CAMK2G: variants seen among roughly 807,000 people sequenced by gnomAD.
CAMK2G encodes the protein calcium/calmodulin-dependent protein kinase type II subunit gamma.
CAMK2G carries 23 observed loss-of-function variants against 88.7 expected under a neutral mutation model. That is an observed-to-expected ratio of 0.26 (90% CI 0.19 to 0.37). The LOEUF (loss-of-function observed/expected upper bound fraction) is 0.37. Ranked by LOEUF, CAMK2G falls within the 10% of genes least tolerant of loss-of-function variation. The pLI is 1.00. For synonymous variants in CAMK2G, 263 were observed against 294.8 expected (o/e 0.89, Z 1.11); for missense variants, 476 against 780.8 (o/e 0.61, Z 4.65).
intron 14 of CAMK2G, among the ~76,000 whole-genome samples, chr10:73,833,656 T>C (rs1199783726): frequency 6.7e-6 from 1 of 150,146 alleles, no homozygotes; most frequent in African/African-American, 2.5e-5. Flanking sequence ...AGTGCAGTGG[T>C]GTAATCCCAG....
chr10:73,849,008 C>A lies in CAMK2G; in HGVS notation c.517+5G>T. On this transcript the variant is annotated splice_donor_5th_base_variant and intron_variant, in intron 7 of 22. Transcript: ENST00000423381. ...TGCATTCCGGGAAGACAGGATCACC[C>A]TTACCAAACCAAGCCTGCTGCTCTC... 6.3e-7 allele frequency: 1 copy of A among 1,586,560 alleles called. No homozygotes were observed. The highest frequency in any genetic ancestry group is 8.7e-7 in the Non-Finnish European group (1 of 1,154,850).
intron 4 of CAMK2G, among the ~76,000 whole-genome samples, chr10:73,852,980 C>G (rs977604472): frequency 2.0e-5 from 3 of 152,208 alleles, no homozygotes; most frequent in African/African-American, 7.2e-5. Context: ...GAGAGGAATG[C>G]TGTCCTGGGG....
At chr10:73,861,387 G>A (rs1049421550) in intron 2 of CAMK2G, among the ~76,000 whole-genome samples, 8 of 152,084 alleles carry the variant, frequency 5.3e-5, no homozygotes, top group African/African-American at 1.4e-4. Context: ...ACGGAGTCTC[G>A]TTCTGTTGCC....
At chr10:73,853,091 C>T in intron 4 of CAMK2G, 101 bp downstream of exon 4, 2 of 1,094,908 alleles carry the variant, frequency 1.8e-6, no homozygotes, top group Non-Finnish European at 2.8e-6. Flanking sequence ...AGGAGGGGGC[C>T]CTGGGCGGAG....
chr10:73,864,530 G>C (rs1029342444), intron 2 of CAMK2G, among the ~76,000 whole-genome samples: 1 of 152,200 alleles, frequency 6.6e-6, no homozygotes, highest in African/African-American at 2.4e-5. Flanking sequence ...TTTGAGTAGG[G>C]CAGTCCAAGA....
chr10:73,839,671 C>A lies in CAMK2G; in HGVS notation c.947-70G>T. 1.0e-6 allele frequency: 1 copy of A among 993,486 alleles called. No individual in the cohort carries two copies. Among genetic ancestry groups the A allele is most frequent in the Non-Finnish European group, 1.3e-6 (1 of 769,456 alleles). The allele number at this position is 993,486 out of a possible 1,614,324, so 61.5% of individuals were successfully genotyped here. ...CGGGGCCGTCAGCAGCGAGCATGCC[C>A]CAGCGCGAGGCGCAGCCCAGGCGGC... On this transcript the variant is annotated intron_variant, in intron 12 of 22. Transcript: ENST00000423381. This position sits in a 1 kb window ranked among gnomAD's most constrained non-coding sequence, Gnocchi z 4.2.
intron 14 of CAMK2G, among the ~76,000 whole-genome samples, chr10:73,828,772 C>T (rs2091778646): frequency 6.6e-6 from 1 of 152,098 alleles, no homozygotes; most frequent in Admixed American, 6.5e-5. Context: ...ACAGGAGTGC[C>T]AGTGATTAAA....
intron 1 of CAMK2G, among the ~76,000 whole-genome samples, chr10:73,873,991 C>T (rs2095971954): frequency 6.6e-6 from 1 of 150,744 alleles, no homozygotes; most frequent in South Asian, 2.1e-4. Flanking sequence ...GGCTCCGCAG[C>T]AGAGCTAGGG....
chr10:73,853,589 AG>A (rs2094806943), intron 3 of CAMK2G, among the ~76,000 whole-genome samples: 1 of 152,272 alleles, frequency 6.6e-6, no homozygotes, highest in South Asian at 2.1e-4. Context: ...CAGCGTGAGC[AG>A]CACCTAGCAA....
At position 73,847,270 on chromosome 10, in the gene CAMK2G, T is replaced by C. The variant is rs1427380490; in HGVS notation, c.774A>G (p.Ala258=). ...LINQMLTINP[A]KRITADQALK... ...GAGCCTGGTCAGCCGTGATGCGCTT[T>C]GCTGGGTTTATGGTCAGCATCTGGT... The change falls in exon 10 of 23, where the codon GCA becomes GCG. Residue 258 remains alanine, a synonymous_variant. Transcript: ENST00000423381. 6.2e-7 allele frequency: 1 copy of C among 1,614,228 alleles called. No individual in the cohort carries two copies. The highest frequency in any genetic ancestry group is 8.5e-7 in the Non-Finnish European group (1 of 1,180,022).
rs2093945448 is a variant in CAMK2G, at chr10:73,843,176, G to C, written c.820-635C>G. ...TAGCCTCCGCCTCTCAGGTTCTCCT[G>C]TCTTGGCCTCCCGAGTAGCTGGGAC... is the stretch of plus-strand genomic sequence containing the variant. On this transcript the variant is annotated intron_variant, in intron 10 of 22. Coordinates refer to ENST00000423381, the MANE Select transcript of CAMK2G (RefSeq NM_001367534.1). Among the ~76,000 whole-genome samples, 3 of 151,656 alleles carry C rather than the reference G, an allele frequency of 2.0e-5. No homozygotes were observed. In the South Asian group the frequency reaches 6.2e-4, roughly 32 times the overall value.
At chr10:73,829,077 G>C (rs1278233161) in intron 14 of CAMK2G, among the ~76,000 whole-genome samples, 2 of 152,176 alleles carry the variant, frequency 1.3e-5, no homozygotes, top group Admixed American at 1.3e-4. Flanking sequence ...ACTGAGGGCT[G>C]TTTCAGGTAA....
At chr10:73,858,834 G>A (rs2095227932) in intron 3 of CAMK2G, among the ~76,000 whole-genome samples, 1 of 152,148 alleles carries the variant, frequency 6.6e-6, no homozygotes, top group Admixed American at 6.5e-5. Context: ...TTTTCACCTA[G>A]AATTCTATTT....
Position 73,814,271 on chromosome 10 carries a change from T to TA in CAMK2G, c.*246dup, listed in dbSNP as rs2084754795. 3 of 131,864 alleles carry TA rather than the reference T, an allele frequency of 2.3e-5. No homozygotes were observed. The highest frequency in any genetic ancestry group is 8.0e-5 in the Admixed American group (1 of 12,506). 8.2% of individuals were successfully genotyped at this position (131,864 alleles called of 1,614,324 possible). A position where few individuals can be genotyped will look rare whatever the true frequency, so the allele number is the denominator to read the frequency against. On this transcript the variant is annotated 3_prime_UTR_variant, in exon 23 of 23. Coordinates refer to ENST00000423381, the MANE Select transcript of CAMK2G (RefSeq NM_001367534.1). ...TCATGGTATGGATTCCTTTTTTTTTTAAACAATCTTTTTTTCTTTTTTTTT... is the reference window on the plus strand; with the variant it reads ...TCATGGTATGGATTCCTTTTTTTTTTAAAACAATCTTTTTTTCTTTTTTTTT...
intron 14 of CAMK2G, among the ~76,000 whole-genome samples, chr10:73,831,601 G>A (rs1410656622): frequency 2.0e-5 from 3 of 150,966 alleles, no homozygotes; most frequent in Middle Eastern, 3.2e-3. Context: ...CAGGCGTGGT[G>A]GCTCATGCCT....
chr10:73,871,921 T>G (rs74499026), intron 2 of CAMK2G, among the ~76,000 whole-genome samples: 1 of 152,188 alleles, frequency 6.6e-6, no homozygotes, highest in African/African-American at 2.4e-5. Flanking sequence ...ACATCTATTA[T>G]GTCTCTTATC....
intron 3 of CAMK2G, among the ~76,000 whole-genome samples, chr10:73,859,098 G>A (rs556141465): frequency 3.9e-5 from 6 of 152,354 alleles, no homozygotes; most frequent in Non-Finnish European, 1.5e-5. Context: ...TGAGACCCGG[G>A]TCTGGAACAT....
At chr10:73,854,358 T>C (rs2135232647) in intron 3 of CAMK2G, among the ~76,000 whole-genome samples, 1 of 152,324 alleles carries the variant, frequency 6.6e-6, no homozygotes, top group South Asian at 2.1e-4. Context: ...TGAGGTCTCC[T>C]CTTCAAGTTT....
chr10:73,849,180 G>GT, intron 6 of CAMK2G, 65 bp from the exon 7 acceptor site: 2 of 1,567,096 alleles, frequency 1.3e-6, no homozygotes, highest in Admixed American at 3.3e-5. Context: ...GCCTAGTTTG[G>GT]GCCTACGCAG....
Sources: allele counts gnomAD v4.1 joint callset (sites outside exome capture counted in the v4.1 genomes callset), GRCh38; gene constraint gnomAD v4.1.1; non-coding constraint Gnocchi (gnomAD v3.1); transcripts MANE v1.5; gene names NCBI Gene and HGNC (gene_info 2026-07-23, HGNC 2026-07-21).